Variants in EXOC4 observed in about 807,000 individuals in gnomAD.
The protein encoded by EXOC4 is exocyst complex component 4, also known as SEC8-like 1.
EXOC4 carries 71 observed loss-of-function variants against 107.2 expected under a neutral mutation model. That is an observed-to-expected ratio of 0.66 (90% CI 0.55 to 0.81). The LOEUF (loss-of-function observed/expected upper bound fraction) is 0.81. EXOC4 is among the 30% of genes least tolerant of loss of function. EXOC4 has a pLI of 0.00. For missense variants in EXOC4, 1,108 were observed against 1,189.6 expected (o/e 0.93, Z 1.01); for synonymous variants, 456 against 441.2 (o/e 1.03, Z -0.42).
intron 7 of EXOC4, among the ~76,000 whole-genome samples, chr7:133,427,269 CCTTTCTCAGT>C (rs1260701346): frequency 6.6e-6 from 1 of 152,020 alleles, no homozygotes; most frequent in African/African-American, 2.4e-5. Context: ...CGACTCCCAG[CCTTTCTCAGT>C]AGGGTGATCC....
chr7:133,254,746 CAT>C (rs1795179065), intron 1 of EXOC4, among the ~76,000 whole-genome samples: 1 of 152,074 alleles, frequency 6.6e-6, no homozygotes, highest in South Asian at 2.1e-4. Flanking sequence ...AAAATGATGA[CAT>C]AAGACTACGA....
At chr7:133,352,382 T>C (rs1303944609) in intron 5 of EXOC4, among the ~76,000 whole-genome samples, 2 of 152,096 alleles carry the variant, frequency 1.3e-5, no homozygotes, top group Non-Finnish European at 2.9e-5. Context: ...TTATATCTTC[T>C]TACTGTGTTG....
chr7:133,354,699 A>T (rs953858002), intron 5 of EXOC4, among the ~76,000 whole-genome samples: 1 of 152,180 alleles, frequency 6.6e-6, no homozygotes, highest in African/African-American at 2.4e-5. Context: ...GATACTTGGC[A>T]GGCAGGGTTC....
intron 7 of EXOC4, among the ~76,000 whole-genome samples, chr7:133,417,926 G>A (rs1040030201): frequency 3.9e-5 from 6 of 152,274 alleles, no homozygotes; most frequent in South Asian, 2.1e-4. Flanking sequence ...TCAATCAGTA[G>A]ATGGATTTTT....
intron 11 of EXOC4, among the ~76,000 whole-genome samples, chr7:133,874,496 C>T (rs1443629826): frequency 6.6e-6 from 1 of 152,210 alleles, no homozygotes; most frequent in Non-Finnish European, 1.5e-5. Context: ...TACACTGGCA[C>T]ACTTGCTTGC....
At chr7:133,731,226 A>G (rs570156491) in intron 10 of EXOC4, among the ~76,000 whole-genome samples, 5 of 152,320 alleles carry the variant, frequency 3.3e-5, no homozygotes, top group Non-Finnish European at 7.4e-5. Flanking sequence ...ATTTAAGTGT[A>G]TGATTCAGTG....
At chr7:133,256,043 G>A (rs1041698586) in intron 1 of EXOC4, among the ~76,000 whole-genome samples, 10 of 151,220 alleles carry the variant, frequency 6.6e-5, no homozygotes, top group Admixed American at 4.0e-4. Context: ...GTGCAGTGGC[G>A]CAATCTTGGC....
At chr7:133,703,952 G>C (rs982363305) in intron 10 of EXOC4, among the ~76,000 whole-genome samples, 2 of 152,166 alleles carry the variant, frequency 1.3e-5, no homozygotes, top group Non-Finnish European at 2.9e-5. Flanking sequence ...TGAATTCCAT[G>C]TTTAAGTTTC....
chr7:133,576,880 G>T, intron 9 of EXOC4: 1 of 1,288,890 alleles, frequency 7.8e-7, no homozygotes, highest in Non-Finnish European at 1.0e-6. Flanking sequence ...CGGGTAATGT[G>T]TTTTAAGATT....
intron 9 of EXOC4, among the ~76,000 whole-genome samples, chr7:133,543,042 A>C (rs1800411175): frequency 6.6e-6 from 1 of 152,172 alleles, no homozygotes. Context: ...AACAGCTTGA[A>C]TATATTGAGA....
At chr7:133,545,168 A>G (rs778654641) in intron 9 of EXOC4, among the ~76,000 whole-genome samples, 2 of 152,090 alleles carry the variant, frequency 1.3e-5, no homozygotes, top group South Asian at 2.1e-4. Context: ...TTATAGAAGA[A>G]AAAAGTAATG....
chr7:134,075,827 T>A, the EXOC4 span, among the ~76,000 whole-genome samples: 1 of 152,178 alleles, frequency 6.6e-6, no homozygotes, highest in Admixed American at 6.5e-5. Context: ...CAGTGCCCCC[T>A]CTGTCACAAT....
chr7:133,770,342 G>C (rs1030189753), intron 10 of EXOC4, among the ~76,000 whole-genome samples: 4 of 151,872 alleles, frequency 2.6e-5, no homozygotes, highest in African/African-American at 9.7e-5. Flanking sequence ...ACCCAGGCCT[G>C]TGTGATTCCA....
intron 10 of EXOC4, among the ~76,000 whole-genome samples, chr7:133,666,260 A>G (rs1045430382): frequency 1.1e-4 from 17 of 152,178 alleles, no homozygotes; most frequent in African/African-American, 3.6e-4. Context: ...ACTGAGATAT[A>G]TTAGGTTCCT....
At chr7:133,943,006 A>G (rs1460518799) in intron 14 of EXOC4, among the ~76,000 whole-genome samples, 2 of 152,198 alleles carry the variant, frequency 1.3e-5, no homozygotes, top group African/African-American at 4.8e-5. Context: ...TGCCCTATAT[A>G]TTAGCCACTA....
At chr7:133,592,614 T>C (rs912561795) in intron 9 of EXOC4, among the ~76,000 whole-genome samples, 4 of 152,026 alleles carry the variant, frequency 2.6e-5, no homozygotes, top group African/African-American at 9.7e-5. Context: ...GGCTATTTTT[T>C]TGTTTTTGAC....
intron 17 of EXOC4, among the ~76,000 whole-genome samples, chr7:134,061,724 G>A (rs1796063033): frequency 6.6e-6 from 1 of 152,066 alleles, no homozygotes; most frequent in South Asian, 2.1e-4. Context: ...CATCACCTGT[G>A]CATCTACAGG....
intron 7 of EXOC4, among the ~76,000 whole-genome samples, chr7:133,416,869 C>T (rs888628862): frequency 3.3e-5 from 5 of 151,988 alleles, no homozygotes; most frequent in Non-Finnish European, 7.4e-5. Context: ...TGAGTGCCCT[C>T]CTGTTGGTAG....
At chr7:133,912,022 A>G (rs1799707167) in intron 12 of EXOC4, among the ~76,000 whole-genome samples, 2 of 152,200 alleles carry the variant, frequency 1.3e-5, no homozygotes, top group Non-Finnish European at 2.9e-5. Context: ...TAATTTCCAC[A>G]TGTCACAAAA....
Sources: allele counts gnomAD v4.1 joint callset (sites outside exome capture counted in the v4.1 genomes callset), GRCh38; gene constraint gnomAD v4.1.1; transcripts MANE v1.5; gene names NCBI Gene and HGNC (gene_info 2026-07-23, HGNC 2026-07-21).